The following EYS variants were observed in gnomAD, a reference collection of about 807,000 sequenced individuals.
The protein encoded by EYS is protein eyes shut homolog.
A neutral mutation model predicts 282.1 loss-of-function variants in EYS; 250 were observed. That is an observed-to-expected ratio of 0.89 (90% CI 0.80 to 0.98). The LOEUF (loss-of-function observed/expected upper bound fraction) is 0.98. Ranked by LOEUF, EYS falls within the 50% of genes least tolerant of loss-of-function variation. The pLI is 0.00. For synonymous variants in EYS, 1,355 were observed against 1,282.9 expected (o/e 1.06, Z -1.20); for missense variants, 4,016 against 3,709.0 (o/e 1.08, Z -2.15).
At chr6:65,397,588 GTGTGT>G (rs1766333515) in intron 7 of EYS, among the ~76,000 whole-genome samples, 3 of 10,706 alleles carry the variant, frequency 2.8e-4, no homozygotes, top group Non-Finnish European at 6.9e-4. Context: ...TTCATGGTGT[GTGTGT>G]GTGTGTGTGT....
chr6:64,749,320 T>C (rs747618862), intron 22 of EYS, among the ~76,000 whole-genome samples: 2 of 152,182 alleles, frequency 1.3e-5, no homozygotes, highest in Non-Finnish European at 2.9e-5. Context: ...TAAAATCTGA[T>C]TTATTTAAGA....
intron 15 of EYS, among the ~76,000 whole-genome samples, chr6:64,929,966 A>T (rs935489384): frequency 6.6e-6 from 1 of 152,142 alleles, no homozygotes; most frequent in Non-Finnish European, 1.5e-5. Context: ...AATAAACATA[A>T]ATAAAATCTG....
intron 5 of EYS, among the ~76,000 whole-genome samples, chr6:65,471,369 C>A (rs1157081018): frequency 6.6e-6 from 1 of 151,742 alleles, no homozygotes; most frequent in Non-Finnish European, 1.5e-5. Flanking sequence ...GCATTCTAGC[C>A]TGGGCAACAA....
Position 65,338,632 on chromosome 6 carries a change from A to G in EYS, c.1600-3486T>C, listed in dbSNP as rs546694796. ...CACAAAAACCTCAATATTACAAAAT[A>G]CACACAAATTAAATTAGAAGTTTTA... On this transcript the variant is annotated intron_variant, in intron 10 of 42. Coordinates refer to ENST00000503581, the MANE Select transcript of EYS (RefSeq NM_001142800.2). Among the ~76,000 whole-genome samples, 18 of 151,186 alleles carry G rather than the reference A, an allele frequency of 1.2e-4. No individual in the cohort carries two copies. The South Asian group carries it at 3.3e-3, about 28-fold the overall frequency.
intron 26 of EYS, among the ~76,000 whole-genome samples, chr6:64,570,750 A>G (rs1019620391): frequency 2.0e-5 from 3 of 152,206 alleles, no homozygotes; most frequent in Non-Finnish European, 4.4e-5. Flanking sequence ...AAATATATGT[A>G]TACACCCAAT....
Position 64,565,247 on chromosome 6 carries a change from G to A in EYS, c.5644+24976C>T, listed in dbSNP as rs557057613. ...GCTTGTGTTTTTTGATGCCATATCC[G>A]AGAAATATCACTATCCAGACCAAAG... On this transcript the variant is annotated intron_variant, in intron 26 of 42. Coordinates refer to ENST00000503581, the MANE Select transcript of EYS (RefSeq NM_001142800.2). Among the ~76,000 whole-genome samples, 6 of 151,982 alleles carry A rather than the reference G, an allele frequency of 3.9e-5. No individual in the cohort carries two copies. The East Asian group carries it at 5.8e-4, about 15-fold the overall frequency.
intron 31 of EYS, among the ~76,000 whole-genome samples, chr6:64,205,170 C>A (rs1765577026): frequency 6.6e-6 from 1 of 152,084 alleles, no homozygotes; most frequent in Admixed American, 6.6e-5. Flanking sequence ...TGCTTAAAAT[C>A]ATTTAAAAAT....
chr6:64,603,516 G>A (rs1403449310), intron 24 of EYS, among the ~76,000 whole-genome samples: 1 of 151,896 alleles, frequency 6.6e-6, no homozygotes, highest in East Asian at 1.9e-4. Context: ...AATTTTAGAG[G>A]AGTCTGGTGA....
At chr6:64,977,742 G>A (rs1170364123) in intron 14 of EYS, among the ~76,000 whole-genome samples, 1 of 151,166 alleles carries the variant, frequency 6.6e-6, no homozygotes, top group Non-Finnish European at 1.5e-5. Flanking sequence ...GAAAGAGAAA[G>A]AGAAACAGCC....
chr6:65,593,510 C>T (rs988163020), intron 2 of EYS, among the ~76,000 whole-genome samples: 2 of 151,958 alleles, frequency 1.3e-5, no homozygotes, highest in Admixed American at 6.6e-5. Flanking sequence ...GACAGCCCAC[C>T]TCAGAACATT....
rs137897932 is a variant in EYS, at chr6:65,266,330, A to G, written c.2023+29533T>C. The stretch of plus-strand genomic sequence containing the variant: ...GATAATATTGATAGAATAGAAATTG[A>G]TTCTGAAACAGTGAAAGAGGTTTGA... On this transcript the variant is annotated intron_variant, in intron 12 of 42. Transcript: ENST00000503581. Among the ~76,000 whole-genome samples the G allele has an allele frequency of 1.6e-3, 246 of 152,020 alleles. 2 individuals carry two copies. Among genetic ancestry groups the G allele is most frequent in the African/African-American group, 5.4e-3 (225 of 41,552 alleles).
intron 13 of EYS, among the ~76,000 whole-genome samples, chr6:65,050,401 C>T (rs1430907599): frequency 6.6e-6 from 1 of 151,508 alleles, no homozygotes; most frequent in East Asian, 1.9e-4. Context: ...TTTAACGAAT[C>T]GTTTATTTTT....
intron 28 of EYS, among the ~76,000 whole-genome samples, chr6:64,396,404 G>T (rs1773378715): frequency 1.3e-5 from 2 of 151,800 alleles, no homozygotes; most frequent in Non-Finnish European, 2.9e-5. Flanking sequence ...TTTTTACTTT[G>T]GGTATCTTAC....
intron 37 of EYS, among the ~76,000 whole-genome samples, chr6:63,798,473 AT>A (rs1461885368): frequency 2.0e-5 from 3 of 152,192 alleles, no homozygotes; most frequent in African/African-American, 7.2e-5. Context: ...TTTTTCTGTT[AT>A]AAAAAATTGA....
chr6:64,226,110 C>G (rs140802562), intron 31 of EYS, among the ~76,000 whole-genome samples: 1 of 152,212 alleles, frequency 6.6e-6, no homozygotes, highest in African/African-American at 2.4e-5. Context: ...TGCTCTGTTT[C>G]CCTTGCCTTC....
At chr6:64,296,598 ATTTTTTT>A (rs1173183488) in intron 30 of EYS, among the ~76,000 whole-genome samples, 3 of 20,126 alleles carry the variant, frequency 1.5e-4, no homozygotes, top group East Asian at 1.5e-3. Context: ...ATATATATAT[ATTTTTTT>A]TTTTTTTTTT....
chr6:63,873,687 A>T (rs1772879415), intron 35 of EYS, among the ~76,000 whole-genome samples: 1 of 152,074 alleles, frequency 6.6e-6, no homozygotes, highest in Non-Finnish European at 1.5e-5. Context: ...CTTTTTAATG[A>T]TTGCCATTCT....
rs1169101707 is a variant in EYS at position 64,759,958 on chromosome 6, C to CA, written c.3443+53419dup. Among the ~76,000 whole-genome samples, 4 of 151,966 alleles carry CA rather than the reference C, an allele frequency of 2.6e-5. No individual in the cohort carries two copies. In the East Asian group the frequency reaches 5.8e-4, roughly 22 times the overall value. ...TTAAACCTTTGTACAATATTTGAGGCAAAAAAATGTTTTCAGCACAGAAAT... is the reference window on the plus strand; with the variant it reads ...TTAAACCTTTGTACAATATTTGAGGCAAAAAAAATGTTTTCAGCACAGAAAT... On this transcript the variant is annotated intron_variant, in intron 22 of 42. Transcript: ENST00000503581.
At chr6:65,492,161 G>A (rs1038077776) in intron 4 of EYS, among the ~76,000 whole-genome samples, 8 of 152,030 alleles carry the variant, frequency 5.3e-5, no homozygotes, top group African/African-American at 1.5e-4. Flanking sequence ...TATCTTCTTC[G>A]ATTTTTAAAA....
Sources: gnomAD v4.1 joint callset for allele counts (sites outside exome capture counted in the v4.1 genomes callset) on GRCh38, gnomAD v4.1.1 for gene constraint, MANE v1.5 for transcripts, NCBI Gene and HGNC (gene_info 2026-07-23, HGNC 2026-07-21) for gene names.